The following PIEZO2 variants were observed in gnomAD, a reference collection of about 807,000 sequenced individuals.
PIEZO2 encodes piezo type mechanosensitive ion channel component 2, also known as piezo-type mechanosensitive ion channel component 2.
PIEZO2 carries 172 observed loss-of-function variants against 337.3 expected under a neutral mutation model. That is an observed-to-expected ratio of 0.51 (90% CI 0.45 to 0.58). PIEZO2 has a LOEUF of 0.58. Ranked by LOEUF, PIEZO2 falls within the 20% of genes least tolerant of loss-of-function variation. The pLI is 0.00. For synonymous variants in PIEZO2, 1,251 were observed against 1,228.5 expected, an observed-to-expected ratio of 1.02 and a Z score of -0.38; for missense variants, 3,028 against 3,391.3, an observed-to-expected ratio of 0.89 and a Z score of 2.66.
At chr18:10,901,786 A>G (rs1216413484) in intron 4 of PIEZO2, among the ~76,000 whole-genome samples, 1 of 152,208 alleles carries the variant, frequency 6.6e-6, no homozygotes, top group Non-Finnish European at 1.5e-5. Context: ...ATCATTAGTA[A>G]TACAACTTCA....
chr18:10,785,128 C>A (rs928766036), intron 16 of PIEZO2, among the ~76,000 whole-genome samples, 171 bp from the exon 17 acceptor site: 1 of 152,204 alleles, frequency 6.6e-6, no homozygotes, highest in African/African-American at 2.4e-5. Flanking sequence ...GCCAGCTAAC[C>A]TACTTTAACA....
rs600419 is a variant in PIEZO2 at position 10,677,982 on chromosome 18, T to C, written c.7953-107A>G. On this transcript the variant is annotated intron_variant, in intron 52 of 55. Coordinates refer to ENST00000674853, the MANE Select transcript of PIEZO2 (RefSeq NM_001378183.1). The surrounding 1 kb of genome is among the most constrained non-coding windows in gnomAD (Gnocchi z 4.1). ...TTTGATTAATGTCACCACGTTTTCA[T>C]TGGGTCCACAACGGTCAATCCTGAC... is the stretch of plus-strand genomic sequence containing the variant. 555,057 of 1,128,090 alleles carry C rather than the reference T, an allele frequency of 0.49. 139,243 individuals carry two copies. Among genetic ancestry groups the C allele is most frequent in the East Asian group, 0.58 (21,826 of 37,344 alleles). The allele number at this position is 1,128,090 out of a possible 1,614,324, so 69.9% of individuals were successfully genotyped here. A position where few individuals can be genotyped will look rare whatever the true frequency, so the allele number is the denominator to read the frequency against.
chr18:11,098,369 C>G (rs1042492189), intron 1 of PIEZO2, among the ~76,000 whole-genome samples: 10 of 151,598 alleles, frequency 6.6e-5, no homozygotes, highest in African/African-American at 2.4e-4. Context: ...TCCTAGGTTT[C>G]TTTATTTTCC....
rs2039281880 is a variant in PIEZO2 at position 11,097,081 on chromosome 18, A to C, written c.65-30859T>G. 1.3e-5 allele frequency among the ~76,000 whole-genome samples: 2 copies of C among 152,210 alleles called. No individual in the cohort carries two copies. The highest frequency in any genetic ancestry group is 4.2e-4 in the South Asian group (2 of 4,818). Reference sequence around the variant, plus strand: ...AGTGTAGGACGATCTTTTGTATACAAGGCAATTTCATCCTCTCCTTGGAAA... The same window carrying C: ...AGTGTAGGACGATCTTTTGTATACACGGCAATTTCATCCTCTCCTTGGAAA... On this transcript the variant is annotated intron_variant, in intron 1 of 55. Transcript: ENST00000674853. This position sits in a 1 kb window ranked among gnomAD's most constrained non-coding sequence, Gnocchi z 5.0.
chr18:11,038,164 C>A lies in PIEZO2; in HGVS notation c.160+27963G>T, dbSNP rs1254147526. Among the ~76,000 whole-genome samples the A allele has an allele frequency of 6.6e-6, 1 of 152,046 alleles. No individual in the cohort carries two copies. Among genetic ancestry groups the A allele is most frequent in the Non-Finnish European group, 1.5e-5 (1 of 68,014 alleles). On this transcript the variant is annotated intron_variant, in intron 2 of 55. Transcript: ENST00000674853. This position sits in a 1 kb window ranked among gnomAD's most constrained non-coding sequence, Gnocchi z 4.1. ...CTAGTAAAATTACAGTCTTTATAAC[C>A]TTTCTCATTTTCTCTAGGTCCTAGT...
At chr18:10,741,849 C>T (rs573241152) in intron 32 of PIEZO2, among the ~76,000 whole-genome samples, 2 of 151,914 alleles carry the variant, frequency 1.3e-5, no homozygotes, top group Non-Finnish European at 2.9e-5. Flanking sequence ...GGAAATATAT[C>T]CCTTAAAGAA....
chr18:10,715,335 C>G (rs2035970803), intron 38 of PIEZO2, among the ~76,000 whole-genome samples: 1 of 152,180 alleles, frequency 6.6e-6, no homozygotes, highest in African/African-American at 2.4e-5. Context: ...TAGACTAAAA[C>G]TATAATTCTC....
rs1035628388 is a variant in PIEZO2 at position 10,999,504 on chromosome 18, C to A, written c.161-19844G>T. Among the ~76,000 whole-genome samples, 5 of 152,100 alleles carry A rather than the reference C, an allele frequency of 3.3e-5. No homozygotes were observed. In the East Asian group the frequency reaches 9.6e-4, roughly 29 times the overall value. On this transcript the variant is annotated intron_variant, in intron 2 of 55. Coordinates refer to ENST00000674853, the MANE Select transcript of PIEZO2 (RefSeq NM_001378183.1). ...TCTCTAAAAGAGATAGTATGACAAC[C>A]ATTTGCATTGTATTTATATAGTTTT...
At chr18:11,090,240 T>C (rs1200512309) in intron 1 of PIEZO2, among the ~76,000 whole-genome samples, 2 of 151,772 alleles carry the variant, frequency 1.3e-5, no homozygotes, top group Non-Finnish European at 2.9e-5. Context: ...GCTGCCAAAC[T>C]TTATCTGCCA....
chr18:10,682,695 T>A lies in PIEZO2; in HGVS notation c.7498-403A>T, dbSNP rs949195237. Among the ~76,000 whole-genome samples, 13 of 152,232 alleles carry A rather than the reference T, an allele frequency of 8.5e-5. No individual in the cohort carries two copies. Among genetic ancestry groups the A allele is most frequent in the Non-Finnish European group, 2.9e-5 (2 of 68,046 alleles). ...ACTTTCAATTCCTGAATATTTAAAA[T>A]CTGTGCCTTTCAGTTGACCCTTCCC... On this transcript the variant is annotated intron_variant, in intron 49 of 55. Transcript: ENST00000674853. The surrounding 1 kb of genome is among the most constrained non-coding windows in gnomAD (Gnocchi z 5.6).
intron 1 of PIEZO2, among the ~76,000 whole-genome samples, chr18:11,140,874 G>T (rs1218667306): frequency 2.6e-5 from 4 of 152,202 alleles, no homozygotes; most frequent in Admixed American, 6.5e-5. Context: ...AGTGATTCTT[G>T]CAGCTTCCTG....
In PIEZO2 at chr18:10,726,410, G is replaced by A; in HGVS notation, c.5029+4997C>T. 2 of 1,528,798 alleles carry A rather than the reference G, an allele frequency of 1.3e-6. No homozygotes were observed. The highest frequency in any genetic ancestry group is 1.2e-5 in the South Asian group (1 of 82,964). The allele number at this position is 1,528,798 out of a possible 1,614,324, so 94.7% of individuals were successfully genotyped here. On this transcript the variant is annotated intron_variant, in intron 36 of 55. Transcript: ENST00000674853. The surrounding 1 kb of genome is among the most constrained non-coding windows in gnomAD (Gnocchi z 5.9). ...GCGGTAACAACGCGCGCCAGCCGTGGCACAACGCGGAGGGCCGGCTGCGGT... is the reference window on the plus strand; with the variant it reads ...GCGGTAACAACGCGCGCCAGCCGTGACACAACGCGGAGGGCCGGCTGCGGT...
At chr18:10,838,829 C>T (rs1443907612) in intron 7 of PIEZO2, among the ~76,000 whole-genome samples, 1 of 152,182 alleles carries the variant, frequency 6.6e-6, no homozygotes, top group Non-Finnish European at 1.5e-5. Context: ...CTTCCACACT[C>T]CTGGGTTACT....
At chr18:10,844,453 A>AATAAAATAAAATAAAAATAAC (rs2144625983) in intron 7 of PIEZO2, among the ~76,000 whole-genome samples, 1 of 151,734 alleles carries the variant, frequency 6.6e-6, no homozygotes, top group South Asian at 2.1e-4. Context: ...ATAAAAATAA[A>AATAAAATAAAATAAAAATAAC]GGTGGCTTTT....
rs527738244 is a variant in PIEZO2, at chr18:10,862,685, C to A, written c.493-5474G>T. On this transcript the variant is annotated intron_variant, in intron 5 of 55. Coordinates refer to ENST00000674853, the MANE Select transcript of PIEZO2 (RefSeq NM_001378183.1). The surrounding 1 kb of genome is among the most constrained non-coding windows in gnomAD (Gnocchi z 4.4). ...TAAGAGGGCAGATGACCAGGCTCAA[C>A]CTCAAACTTACTAAATCAGAAATTA... Among the ~76,000 whole-genome samples the A allele has an allele frequency of 6.6e-5, 10 of 152,312 alleles. No individual in the cohort carries two copies. The highest frequency in any genetic ancestry group is 5.8e-4 in the East Asian group (3 of 5,182).
chr18:10,712,854 C>T (rs2298743), intron 39 of PIEZO2, among the ~76,000 whole-genome samples: 1 of 152,092 alleles, frequency 6.6e-6, no homozygotes, highest in Non-Finnish European at 1.5e-5. Context: ...TTAGGAAATA[C>T]ATGTTTGACC....
Position 11,076,064 on chromosome 18 carries a change from G to A in PIEZO2, c.65-9842C>T, listed in dbSNP as rs573079138. Among the ~76,000 whole-genome samples the A allele has an allele frequency of 1.3e-3, 195 of 152,230 alleles. 3 individuals are homozygous for A. Among genetic ancestry groups the A allele is most frequent in the Admixed American group, 0.012 (187 of 15,290 alleles). On this transcript the variant is annotated intron_variant, in intron 1 of 55. Transcript: ENST00000674853. ...GCCTCCCAAAGTGCTGGGATTACAG[G>A]CGTGAGCCACCGTGCCCGGCCTACA...
In PIEZO2 at chr18:10,803,904, C is replaced by A. The variant is rs749474073; in HGVS notation, c.1171G>T (p.Ala391Ser). Residue 391 changes from alanine (A) to serine (S), a missense_variant, in exon 9 of 56, where the codon GCA becomes TCA. Ala to Ser is a moderately conservative substitution (Grantham distance 99, BLOSUM62 1). This residue lies in a region of PIEZO2 where 542 missense variants were observed against 605.6 expected (regional missense o/e 0.89). Coordinates refer to ENST00000674853, the MANE Select transcript of PIEZO2 (RefSeq NM_001378183.1). Reference sequence around the variant, plus strand: ...CTCTCATCAGTGGGGTAATGGGTTGCGTACCACAGGCTCCGCCTCCTCCCC... The same window carrying A: ...CTCTCATCAGTGGGGTAATGGGTTGAGTACCACAGGCTCCGCCTCCTCCCC... ...TAGRRRSLWY[A>S]THYPTDERKL... is the part of the protein sequence containing the mutation. 18 of 1,537,172 alleles carry A rather than the reference C, an allele frequency of 1.2e-5. No individual in the cohort carries two copies. Among genetic ancestry groups the A allele is most frequent in the Non-Finnish European group, 1.6e-5 (18 of 1,146,918 alleles).
rs528775888 is a variant in PIEZO2, at chr18:11,125,169, T to C, written c.64+23356A>G. Among the ~76,000 whole-genome samples the C allele has an allele frequency of 9.9e-4, 148 of 149,908 alleles. 1 individual carries two copies. The highest frequency in any genetic ancestry group is 3.6e-3 in the African/African-American group (145 of 39,960). ...GAGAAAGAACACACACACACACACA[T>C]GCACACATACAAAATACACACACCG... On this transcript the variant is annotated intron_variant, in intron 1 of 55. Transcript: ENST00000674853. The surrounding 1 kb of genome is among the most constrained non-coding windows in gnomAD (Gnocchi z 4.4).
Sources: gnomAD v4.1 joint callset for allele counts (sites outside exome capture counted in the v4.1 genomes callset) on GRCh38, gnomAD v4.1.1 for gene constraint, gnomAD v4.1.1 regional missense constraint, Gnocchi (gnomAD v3.1) non-coding constraint, MANE v1.5 for transcripts, NCBI Gene and HGNC (gene_info 2026-07-23, HGNC 2026-07-21) for gene names.